Variants in RYR2 observed in about 807,000 individuals in gnomAD.
RYR2 encodes cardiac muscle ryanodine receptor-calcium release channel.
A neutral mutation model predicts 601.1 loss-of-function variants in RYR2; 227 were observed. That is an observed-to-expected ratio of 0.38 (90% CI 0.34 to 0.42). RYR2 has a LOEUF of 0.42. RYR2 is among the 10% of genes least tolerant of loss of function. The pLI is 1.00. For synonymous variants in RYR2, 2,223 were observed against 2,175.1 expected (o/e 1.02, Z -0.61); for missense variants, 4,646 against 6,156.5 (o/e 0.75, Z 8.21).
In RYR2 at chr1:237,783,666, T is replaced by G; in HGVS notation, c.11963-9T>G. On this transcript the variant is annotated splice_polypyrimidine_tract_variant and intron_variant, in intron 89 of 104. Transcript: ENST00000366574. The stretch of plus-strand genomic sequence containing the variant: ...TTATTTTAAACAAATGCAACTGCTT[T>G]ACCACCAGGTAATGTTGTTAATGGA... 6.4e-7 allele frequency: 1 copy of G among 1,572,682 alleles called. No homozygotes were observed. The highest frequency in any genetic ancestry group is 8.7e-7 in the Non-Finnish European group (1 of 1,151,178).
intron 2 of RYR2, among the ~76,000 whole-genome samples, chr1:237,307,971 G>C (rs1397732904): frequency 6.6e-6 from 1 of 151,246 alleles, no homozygotes; most frequent in African/African-American, 2.4e-5. Context: ...ACTCCATCTT[G>C]ACTGAGGGCT....
chr1:237,394,863 C>T (rs1572125660), intron 10 of RYR2, among the ~76,000 whole-genome samples: 1 of 152,186 alleles, frequency 6.6e-6, no homozygotes, highest in African/African-American at 2.4e-5. Context: ...CACACTTCTG[C>T]AGGCTCTATA....
intron 35 of RYR2, among the ~76,000 whole-genome samples, chr1:237,606,321 G>A (rs1162569002): frequency 1.3e-5 from 2 of 152,102 alleles, no homozygotes; most frequent in African/African-American, 4.8e-5. Flanking sequence ...ATGGGGAAAC[G>A]ATTCCCTATT....
intron 2 of RYR2, among the ~76,000 whole-genome samples, chr1:237,288,501 G>C (rs1392194152): frequency 1.3e-5 from 2 of 151,916 alleles, no homozygotes; most frequent in South Asian, 4.2e-4. Context: ...GCTCTCGGGG[G>C]TGGGGGTGAG....
At chr1:237,501,548 C>G (rs930002632) in intron 21 of RYR2, among the ~76,000 whole-genome samples, 1 of 152,118 alleles carries the variant, frequency 6.6e-6, no homozygotes. Context: ...TAATAAGTAA[C>G]TACTCTGTCA....
At chr1:237,566,923 C>T in intron 28 of RYR2, 148 bp downstream of exon 28, 1 of 776,062 alleles carries the variant, frequency 1.3e-6, no homozygotes, top group South Asian at 1.7e-5. Context: ...TCCTCGTAGT[C>T]TCAAAACCCT....
At chr1:237,072,283 G>A (rs1293908217) in intron 1 of RYR2, among the ~76,000 whole-genome samples, 55 of 152,248 alleles carry the variant, frequency 3.6e-4, no homozygotes. Flanking sequence ...CCATCACTGG[G>A]ATTACAGGCA....
chr1:237,165,078 C>T (rs1676532010), intron 1 of RYR2, among the ~76,000 whole-genome samples: 1 of 151,768 alleles, frequency 6.6e-6, no homozygotes, highest in African/African-American at 2.4e-5. Flanking sequence ...CTGCTTCAGC[C>T]TCCTAAGTAG....
intron 2 of RYR2, among the ~76,000 whole-genome samples, chr1:237,271,289 C>T (rs1225610472): frequency 6.6e-6 from 1 of 152,164 alleles, no homozygotes; most frequent in Non-Finnish European, 1.5e-5. Flanking sequence ...GCAGAACTAA[C>T]TTTTTGAGAC....
intron 70 of RYR2, among the ~76,000 whole-genome samples, chr1:237,710,640 C>A (rs1286943825): frequency 2.0e-5 from 3 of 149,382 alleles, no homozygotes; most frequent in African/African-American, 7.5e-5. Flanking sequence ...AATAGATCAT[C>A]CAAGGTATTC....
chr1:237,220,613 C>G (rs1189270569), intron 1 of RYR2, among the ~76,000 whole-genome samples: 1 of 152,196 alleles, frequency 6.6e-6, no homozygotes, highest in Non-Finnish European at 1.5e-5. Context: ...CTGACTGATA[C>G]ACCTACGTTT....
intron 33 of RYR2, among the ~76,000 whole-genome samples, chr1:237,594,710 T>TTCCCTTCTG (rs1212785703): frequency 6.6e-6 from 1 of 151,872 alleles, no homozygotes; most frequent in Non-Finnish European, 1.5e-5. Context: ...TTTTTGTTCT[T>TTCCCTTCTG]TCCCTTCTGC....
intron 34 of RYR2, among the ~76,000 whole-genome samples, chr1:237,598,211 A>C (rs1348927723): frequency 1.3e-5 from 2 of 152,230 alleles, no homozygotes; most frequent in Non-Finnish European, 2.9e-5. Flanking sequence ...ATGCAACAAT[A>C]GTAGGGAAGT....
At chr1:237,668,083 C>T (rs1241829872) in intron 58 of RYR2, 125 bp downstream of exon 58, 3 of 654,036 alleles carry the variant, frequency 4.6e-6, no homozygotes, top group Non-Finnish European at 7.6e-6. Flanking sequence ...TTTAATTGTG[C>T]CTGTAACAGA....
intron 1 of RYR2, among the ~76,000 whole-genome samples, chr1:237,139,406 C>G (rs1673143165): frequency 6.6e-6 from 1 of 152,174 alleles, no homozygotes; most frequent in African/African-American, 2.4e-5. Flanking sequence ...CTAAGGGATG[C>G]AGAGTTCCTT....
intron 51 of RYR2, among the ~76,000 whole-genome samples, chr1:237,651,896 A>G (rs767307425): frequency 1.1e-4 from 16 of 152,102 alleles, no homozygotes; most frequent in Non-Finnish European, 1.9e-4. Context: ...AATTAGCCGG[A>G]CGTGGTGGTG....
At chr1:237,749,297 A>G (rs1046029652) in intron 80 of RYR2, among the ~76,000 whole-genome samples, 1 of 152,214 alleles carries the variant, frequency 6.6e-6, no homozygotes, top group South Asian at 2.1e-4. Flanking sequence ...GTGTGAGCGG[A>G]AGCCTCAATT....
At chr1:237,348,706 G>C (rs537389797) in intron 3 of RYR2, among the ~76,000 whole-genome samples, 1 of 152,078 alleles carries the variant, frequency 6.6e-6, no homozygotes, top group Non-Finnish European at 1.5e-5. Flanking sequence ...GTGTTATTAG[G>C]CATGTAAGGA....
intron 51 of RYR2, among the ~76,000 whole-genome samples, chr1:237,653,519 T>A (rs1436312799): frequency 1.3e-5 from 2 of 152,188 alleles, no homozygotes; most frequent in Non-Finnish European, 2.9e-5. Context: ...AAATTGGGCG[T>A]CTGGTCTTCA....
Sources: allele counts gnomAD v4.1 joint callset (sites outside exome capture counted in the v4.1 genomes callset), GRCh38; gene constraint gnomAD v4.1.1; transcripts MANE v1.5; gene names NCBI Gene and HGNC (gene_info 2026-07-23, HGNC 2026-07-21).